Variants in ESRRG observed in about 807,000 individuals in gnomAD.
ESRRG encodes estrogen-related receptor gamma.
ESRRG carries 13 observed loss-of-function variants against 44.0 expected under a neutral mutation model. The ratio of observed to expected loss-of-function variants is 0.30; its 90% CI spans 0.19 to 0.47. ESRRG has a LOEUF of 0.47. Among genes scored for constraint, ESRRG ranks in the 20% least tolerant of loss-of-function variants. The pLI, the probability that ESRRG is intolerant of heterozygous loss-of-function variation, is 1.00. For synonymous variants in ESRRG, 215 were observed against 214.6 expected (o/e 1.00, Z -0.02); for missense variants, 395 against 580.6 (o/e 0.68, Z 3.29).
At chr1:217,108,011 A>T (rs1464908536) in intron 1 of ESRRG, among the ~76,000 whole-genome samples, 1 of 96,104 alleles carries the variant, frequency 1.0e-5, no homozygotes, top group African/African-American at 6.3e-5. Context: ...TGCTATGTTT[A>T]AAAAAAAAAC....
chr1:217,001,980 A>C (rs2150663598), intron 1 of ESRRG, among the ~76,000 whole-genome samples: 1 of 151,714 alleles, frequency 6.6e-6, no homozygotes, highest in African/African-American at 2.4e-5. Flanking sequence ...ACTGCTAATA[A>C]GTTTGGCACC....
chr1:216,707,528 T>C, intron 1 of ESRRG: 1 of 1,504,916 alleles, frequency 6.6e-7, no homozygotes, highest in Non-Finnish European at 8.8e-7. Flanking sequence ...AAGTTGCAAT[T>C]TGCTGAAGTT....
intron 1 of ESRRG, among the ~76,000 whole-genome samples, chr1:216,685,053 T>G (rs1458736413): frequency 6.6e-6 from 1 of 152,306 alleles, no homozygotes; most frequent in South Asian, 2.1e-4. Context: ...AAAATATTTC[T>G]TACTTTACAC....
At chr1:217,082,488 G>C (rs78743858) in intron 1 of ESRRG, among the ~76,000 whole-genome samples, 2,007 of 152,268 alleles carry the variant, frequency 0.013, 44 homozygotes, top group African/African-American at 0.046. Flanking sequence ...TGATCCAGTA[G>C]AGATTTTGAA....
At chr1:216,626,235 C>G (rs2063165571) in intron 3 of ESRRG, among the ~76,000 whole-genome samples, 1 of 152,102 alleles carries the variant, frequency 6.6e-6, no homozygotes, top group African/African-American at 2.4e-5. Flanking sequence ...TCTGCAATAC[C>G]ACGTTCTCTT....
chr1:216,892,910 C>T (rs1220690049), intron 2 of ESRRG, among the ~76,000 whole-genome samples: 1 of 152,072 alleles, frequency 6.6e-6, no homozygotes, highest in Non-Finnish European at 1.5e-5. Flanking sequence ...CCAACCTTGC[C>T]TTGTTTTAAG....
In ESRRG at chr1:217,053,919, C is replaced by T. The variant is rs112115442; in HGVS notation, c.-106+35588G>A. 9.0e-3 allele frequency among the ~76,000 whole-genome samples: 1,372 copies of T among 151,980 alleles called. 16 individuals are homozygous for T. The highest frequency in any genetic ancestry group is 0.031 in the African/African-American group (1,269 of 41,460). ...ACAAAGGCTCTTGTGTATGGTACTACTTTACAAGAAAGTCTCAGCCAATTC... is the reference window on the plus strand; with the variant it reads ...ACAAAGGCTCTTGTGTATGGTACTATTTTACAAGAAAGTCTCAGCCAATTC... On this transcript the variant is annotated intron_variant, in intron 1 of 7. Transcript: ENST00000359162.
intron 2 of ESRRG, chr1:216,864,065 T>A (rs193159118): frequency 6.6e-6 from 1 of 152,284 alleles, no homozygotes; most frequent in Admixed American, 6.5e-5. Context: ...AAAGCTAGAA[T>A]CATAAAATTG....
At chr1:216,727,317 T>C (rs1335075272), upstream of ESRRG, among the ~76,000 whole-genome samples, 2 of 152,146 alleles carry the variant, frequency 1.3e-5, no homozygotes, top group African/African-American at 4.8e-5. Flanking sequence ...TAATATACCA[T>C]CCTGCAAAAA....
chr1:216,829,074 G>C (rs2095443490), intron 2 of ESRRG, among the ~76,000 whole-genome samples: 1 of 152,178 alleles, frequency 6.6e-6, no homozygotes, highest in African/African-American at 2.4e-5. Flanking sequence ...CTGTATTTTA[G>C]AAGATTAAGC....
At position 217,027,106 on chromosome 1, in the gene ESRRG, G is replaced by A. The variant is rs1053973726; in HGVS notation, c.-106+62401C>T. Among the ~76,000 whole-genome samples the A allele has an allele frequency of 3.9e-5, 6 of 152,042 alleles. No homozygotes were observed. The South Asian group carries it at 1.0e-3, about 26-fold the overall frequency. ...GTAAGAATTCTAAATGTTCTGTGTC[G>A]ATTTTGTTTTAAATCTCTCACCACA... On this transcript the variant is annotated intron_variant, in intron 1 of 7. Coordinates refer to the ESRRG transcript ENST00000359162.
chr1:216,743,771 G>A (rs1325458690), intron 2 of ESRRG, among the ~76,000 whole-genome samples: 1 of 152,128 alleles, frequency 6.6e-6, no homozygotes, highest in African/African-American at 2.4e-5. Context: ...TTTATGATGT[G>A]CTAGGACTGT....
chr1:216,988,398 C>T (rs1444613479), intron 1 of ESRRG, among the ~76,000 whole-genome samples: 1 of 152,080 alleles, frequency 6.6e-6, no homozygotes, highest in Non-Finnish European at 1.5e-5. Context: ...AGTTGTTTTC[C>T]TTATTGTAAT....
chr1:217,080,147 TCA>T (rs1438234498), intron 1 of ESRRG, among the ~76,000 whole-genome samples: 3 of 152,228 alleles, frequency 2.0e-5, no homozygotes, highest in African/African-American at 4.8e-5. Context: ...CTTGCTATCT[TCA>T]CAGTGTCACG....
intron 1 of ESRRG, among the ~76,000 whole-genome samples, chr1:216,987,389 C>T (rs1560375576): frequency 1.3e-5 from 2 of 152,186 alleles, no homozygotes; most frequent in South Asian, 2.1e-4. Context: ...TTGCTGCTGC[C>T]TGGTTCAGCT....
chr1:216,509,102 C>G (rs1186523409), intron 6 of ESRRG, among the ~76,000 whole-genome samples: 3 of 152,256 alleles, frequency 2.0e-5, no homozygotes, highest in African/African-American at 7.2e-5. Flanking sequence ...TTTTACCTCC[C>G]CAAGCCCTAG....
rs573101523 is a variant in ESRRG, at chr1:217,079,541, G to A, written c.-106+9966C>T. ...CATCTGAGAGTCCACATAATGTAAT[G>A]AATAGACTCTGGGCTCTGGTGCCAA... is the stretch of plus-strand genomic sequence containing the variant. On this transcript the variant is annotated intron_variant, in intron 1 of 7. Coordinates refer to the ESRRG transcript ENST00000359162. Among the ~76,000 whole-genome samples, 20 of 152,270 alleles carry A rather than the reference G, an allele frequency of 1.3e-4. No homozygotes were observed. The Middle Eastern group carries it at 0.01, about 78-fold the overall frequency.
intron 1 of ESRRG, chr1:216,707,297 T>A (rs1036761324): frequency 2.0e-6 from 3 of 1,523,904 alleles, no homozygotes; most frequent in Non-Finnish European, 2.6e-6. Flanking sequence ...ACGTTGAGCA[T>A]TTTAAGATTT....
In ESRRG at chr1:217,015,731, A is replaced by ATTT. The variant is rs11347206; in HGVS notation, c.-106+73773_-106+73775dup. ...GTGGGGGGTGAGAGGGGGCAGCTAGATTTTTTTTTTTTTTTGAGACAGAGT... is the reference window on the plus strand; with the variant it reads ...GTGGGGGGTGAGAGGGGGCAGCTAGATTTTTTTTTTTTTTTTTTGAGACAGAGT... On this transcript the variant is annotated intron_variant, in intron 1 of 7. Coordinates refer to the ESRRG transcript ENST00000359162. Among the ~76,000 whole-genome samples the ATTT allele has an allele frequency of 1.0e-3, 147 of 142,132 alleles. 1 individual carries two copies. Among genetic ancestry groups the ATTT allele is most frequent in the African/African-American group, 3.5e-3 (135 of 38,992 alleles). 93.2% of individuals were successfully genotyped at this position (142,132 alleles called of 152,430 possible).
Sources: allele counts gnomAD v4.1 joint callset (sites outside exome capture counted in the v4.1 genomes callset), GRCh38; gene constraint gnomAD v4.1.1; transcripts MANE v1.5; gene names NCBI Gene and HGNC (gene_info 2026-07-23, HGNC 2026-07-21).